The following CEP63 variants were observed in gnomAD, a reference collection of about 807,000 sequenced individuals.
CEP63 encodes centrosomal protein 63.
Under a neutral mutation model 89.1 loss-of-function variants are expected in CEP63, and 84 were observed. The observed-to-expected ratio is 0.94, with a 90% CI of 0.79 to 1.13. CEP63 has a LOEUF of 1.13. CEP63 is among the 50% of genes most tolerant of loss of function. The pLI, the probability that CEP63 is intolerant of heterozygous loss-of-function variation, is 0.00. For missense variants in CEP63, 838 were observed against 813.3 expected (o/e 1.03, Z -0.37); for synonymous variants, 267 against 272.5 (o/e 0.98, Z 0.20).
chr3:134,680,839 A>G, the CEP63 span, among the ~76,000 whole-genome samples: 4 of 152,328 alleles, frequency 2.6e-5, no homozygotes, highest in South Asian at 2.1e-4. Context: ...AAGGACTTCA[A>G]CGAGGGCCTT....
At chr3:134,574,760 C>T in intron 11 of CEP63, 1 of 592,032 alleles carries the variant, frequency 1.7e-6, no homozygotes. Context: ...CGTGCCACCA[C>T]ACCTGGCTAA....
At chr3:134,495,262 A>G (rs1939398998) in intron 1 of CEP63, 34 bp from the exon 2 acceptor site, 2 of 1,437,030 alleles carry the variant, frequency 1.4e-6, no homozygotes, top group Non-Finnish European at 2.0e-6. Flanking sequence ...GAAGAAATGA[A>G]TTGTCTCATG....
At chr3:134,581,055 G>A (rs906341694) in intron 10 of CEP63, among the ~76,000 whole-genome samples, 1 of 152,094 alleles carries the variant, frequency 6.6e-6, no homozygotes, top group Non-Finnish European at 1.5e-5. Context: ...GAAGATGGAT[G>A]GGGGCCATGA....
chr3:134,745,894 G>A, the CEP63 span, among the ~76,000 whole-genome samples: 7 of 150,180 alleles, frequency 4.7e-5, no homozygotes, highest in Admixed American at 2.6e-4. Context: ...GTATTCCATG[G>A]TGTATATGTG....
intron 3 of CEP63, among the ~76,000 whole-genome samples, chr3:134,529,224 T>G (rs1207118315): frequency 6.6e-6 from 1 of 152,220 alleles, no homozygotes; most frequent in African/African-American, 2.4e-5. Flanking sequence ...TACAGCTTAA[T>G]GTTTGCATAT....
At chr3:134,722,513 T>C in the CEP63 span, among the ~76,000 whole-genome samples, 1 of 152,170 alleles carries the variant, frequency 6.6e-6, no homozygotes, top group African/African-American at 2.4e-5. Context: ...GCTTTGGTTT[T>C]GTTGATTTTC....
the CEP63 span, among the ~76,000 whole-genome samples, chr3:134,628,777 A>G: frequency 3.5e-4 from 54 of 152,288 alleles, 2 homozygotes; most frequent in South Asian, 0.011. Context: ...GACAAAACTG[A>G]GTTCAAAAGA....
At chr3:134,574,384 T>C (rs1307035053) in intron 11 of CEP63, among the ~76,000 whole-genome samples, 1 of 152,198 alleles carries the variant, frequency 6.6e-6, no homozygotes, top group Admixed American at 6.5e-5. Flanking sequence ...TTTTGGATCC[T>C]TGACCTAAAC....
the CEP63 span, among the ~76,000 whole-genome samples, chr3:134,623,655 C>T: frequency 1.3e-5 from 2 of 151,998 alleles, no homozygotes; most frequent in Non-Finnish European, 2.9e-5. Context: ...CCACTACTCA[C>T]CTCCTGCTTG....
At chr3:134,708,743 A>T in the CEP63 span, among the ~76,000 whole-genome samples, 1 of 152,260 alleles carries the variant, frequency 6.6e-6, no homozygotes, top group African/African-American at 2.4e-5. Context: ...CCCCCAAATG[A>T]TAAAGTTTAA....
At chr3:134,543,428 C>G (rs1952480688) in intron 6 of CEP63, among the ~76,000 whole-genome samples, 1 of 152,180 alleles carries the variant, frequency 6.6e-6, no homozygotes, top group Admixed American at 6.5e-5. Flanking sequence ...TTAAAAAACA[C>G]TGTATTTTTG....
chr3:134,646,083 T>A, the CEP63 span, among the ~76,000 whole-genome samples: 1 of 152,336 alleles, frequency 6.6e-6, no homozygotes, highest in Admixed American at 6.5e-5. Flanking sequence ...ACTCACCAGC[T>A]CACACATGGG....
chr3:134,776,464 A>G, the CEP63 span, among the ~76,000 whole-genome samples: 14 of 152,244 alleles, frequency 9.2e-5, no homozygotes, highest in Non-Finnish European at 1.9e-4. Flanking sequence ...GTACATTTCA[A>G]TTTGGACCCG....
chr3:134,507,551 T>C (rs1943775554), intron 3 of CEP63, among the ~76,000 whole-genome samples: 1 of 152,306 alleles, frequency 6.6e-6, no homozygotes, highest in East Asian at 1.9e-4. Flanking sequence ...GTACCACACA[T>C]TGTTTGTTTA....
chr3:134,720,600 T>A, the CEP63 span, among the ~76,000 whole-genome samples: 1 of 152,122 alleles, frequency 6.6e-6, no homozygotes, highest in Non-Finnish European at 1.5e-5. Flanking sequence ...TTTAAGTGCT[T>A]TTATGATTTA....
the CEP63 span, chr3:134,610,624 G>T: frequency 3.4e-5 from 16 of 465,430 alleles, no homozygotes; most frequent in Non-Finnish European, 5.7e-5. Flanking sequence ...TCCGCTGTCT[G>T]CTCCTCCCCT....
At chr3:134,510,781 C>T in intron 3 of CEP63, 1 of 367,076 alleles carries the variant, frequency 2.7e-6, no homozygotes, top group South Asian at 2.7e-5. Flanking sequence ...GGTGTCCCAC[C>T]CTGGCTGCAG....
chr3:134,549,090 C>T lies in CEP63; in HGVS notation c.1096C>T (p.Gln366Ter), dbSNP rs1216830380. The stretch of plus-strand genomic sequence containing the variant: ...GGAATCTGTGAGTGCAACGTGTAAA[C>T]AGCTGAGCCAAGAACTAATGGAAAA... ...SLESVSATCKQLSQELMEKYE... is the reference protein window; with the variant it reads ...SLESVSATCK Residue 366 changes from glutamine (Q) to a stop codon, truncating the protein, a stop_gained, in exon 10 of 15, where the codon CAG becomes TAG. Transcript: ENST00000675561. LOFTEE classifies it high-confidence loss of function. 1.2e-6 allele frequency: 2 copies of T among 1,613,188 alleles called. No individual in the cohort carries two copies. Among genetic ancestry groups the T allele is most frequent in the East Asian group, 2.2e-5 (1 of 44,832 alleles).
At chr3:134,486,255 T>G (rs1935283164) in intron 1 of CEP63, 53 bp downstream of exon 1, 2 of 985,368 alleles carry the variant, frequency 2.0e-6, no homozygotes, top group Non-Finnish European at 2.4e-6. Context: ...TAACCGCCGG[T>G]GCGCAAGTTG....
Sources: gnomAD v4.1 joint callset for allele counts (sites outside exome capture counted in the v4.1 genomes callset) on GRCh38, gnomAD v4.1.1 for gene constraint, MANE v1.5 for transcripts, NCBI Gene and HGNC (gene_info 2026-07-23, HGNC 2026-07-21) for gene names.